Variants in TTC34 observed in about 807,000 individuals in gnomAD.
The protein encoded by TTC34 is tetratricopeptide repeat domain 34.
In TTC34, 44 loss-of-function variants were observed where a neutral mutation model predicts 40.7. The ratio of observed to expected loss-of-function variants is 1.08; its 90% CI spans 0.85 to 1.39. The LOEUF is 1.39. TTC34 is among the 40% of genes most tolerant of loss of function. The pLI is 0.00. For missense variants in TTC34, 884 were observed against 838.0 expected (o/e 1.05, Z -0.68); for synonymous variants, 422 against 398.6 (o/e 1.06, Z -0.70).
chr1:2,642,619 G>A (rs539364092), intron 8 of TTC34, among the ~76,000 whole-genome samples: 51 of 152,366 alleles, frequency 3.3e-4, no homozygotes, highest in African/African-American at 1.1e-3. Flanking sequence ...GCCTCGCTGG[G>A]CTCCTCCTCC....
chr1:2,645,369 C>A lies in TTC34; in HGVS notation c.2421G>T (p.Val807=), dbSNP rs747265730. 4.6e-6 allele frequency: 7 copies of A among 1,534,360 alleles called. No individual in the cohort carries two copies. The African/African-American group carries it at 5.5e-5, about 12-fold the overall frequency. The stretch of plus-strand genomic sequence containing the variant: ...AGTCGATTTTGATCAGCGCCTCCCC[C>A]ACAGCAAGGAGGCCCTGGGTGTCCT... The change falls in exon 7 of 9, where the codon GTG becomes GTT. Residue 807 remains valine (V), a synonymous_variant. Transcript: ENST00000401095. The surrounding 1 kb of genome is among the most constrained non-coding windows in gnomAD (Gnocchi z 4.7).
At chr1:2,759,914 C>T (rs1641638681) in intron 6 of TTC34, among the ~76,000 whole-genome samples, 10 of 143,774 alleles carry the variant, frequency 7.0e-5, no homozygotes, top group Admixed American at 1.4e-4. Context: ...TGGAACATCA[C>T]CCTGCACCCC....
rs750110289 is a variant in TTC34, at chr1:2,789,541, C to T, written c.1590G>A (p.Arg530=). The T allele has an allele frequency of 2.7e-6, 4 of 1,499,778 alleles. No homozygotes were observed. The South Asian group carries it at 3.7e-5, about 14-fold the overall frequency. The allele number at this position is 1,499,778 out of a possible 1,614,324, so 92.9% of individuals were successfully genotyped here. A position where few individuals can be genotyped will look rare whatever the true frequency, so the allele number is the denominator to read the frequency against. The change falls in exon 3 of 9, where the codon AGG becomes AGA. Residue 530 remains arginine (R), a synonymous_variant. Transcript: ENST00000401095. ...TGGGGCCGCCCGTCTCTGCGGCCTC[C>T]CTCCGGCCCTGCGCTCTGGACGGCC...
chr1:2,760,297 T>C (rs1641655196), intron 6 of TTC34, among the ~76,000 whole-genome samples: 1 of 58,904 alleles, frequency 1.7e-5, no homozygotes, highest in Non-Finnish European at 2.8e-5. Flanking sequence ...GGCGAGCATC[T>C]GACAGCCTGG....
At chr1:2,787,006 A>G (rs1030554402) in intron 4 of TTC34, among the ~76,000 whole-genome samples, 1 of 152,144 alleles carries the variant, frequency 6.6e-6, no homozygotes, top group Non-Finnish European at 1.5e-5. Context: ...TTCAAACAGG[A>G]ACCCGGGATA....
At chr1:2,786,419 G>T (rs1443220185) in intron 4 of TTC34, among the ~76,000 whole-genome samples, 3 of 152,232 alleles carry the variant, frequency 2.0e-5, no homozygotes, top group Admixed American at 2.0e-4. Flanking sequence ...GTCCCACAGC[G>T]GCCAGGGACT....
intron 6 of TTC34, among the ~76,000 whole-genome samples, chr1:2,781,383 A>G (rs576733883): frequency 6.6e-6 from 1 of 152,274 alleles, no homozygotes; most frequent in Non-Finnish European, 1.5e-5. Flanking sequence ...TTGCCTTCGT[A>G]TCCTGCTACT....
At chr1:2,767,409 T>C (rs1357899798) in intron 6 of TTC34, among the ~76,000 whole-genome samples, 2 of 122,424 alleles carry the variant, frequency 1.6e-5, no homozygotes, top group Non-Finnish European at 1.7e-5. Context: ...CACCCCCAGG[T>C]GAGCATCTGA....
intron 6 of TTC34, among the ~76,000 whole-genome samples, chr1:2,695,067 C>A (rs1640799175): frequency 1.5e-5 from 2 of 137,624 alleles, no homozygotes; most frequent in East Asian, 2.2e-4. Flanking sequence ...TGAAACAGCA[C>A]ACACACCCCC....
chr1:2,695,724 G>T (rs1640831642), intron 6 of TTC34, among the ~76,000 whole-genome samples: 1 of 149,756 alleles, frequency 6.7e-6, no homozygotes, highest in African/African-American at 2.5e-5. Context: ...ACCCCCAGGT[G>T]AGCAGCTGAA....
chr1:2,755,822 AAC>A (rs1641486704), intron 6 of TTC34, among the ~76,000 whole-genome samples: 2 of 104,396 alleles, frequency 1.9e-5, no homozygotes, highest in Non-Finnish European at 3.6e-5. Context: ...CAGCACCCAC[AAC>A]CACAGGTGAG....
intron 6 of TTC34, among the ~76,000 whole-genome samples, chr1:2,693,189 C>G (rs1222201429): frequency 5.3e-4 from 55 of 103,042 alleles, no homozygotes; most frequent in East Asian, 8.7e-4. Flanking sequence ...CCCACACCCC[C>G]AGGTGCGCAT....
chr1:2,693,550 C>G (rs1458214380), intron 6 of TTC34, among the ~76,000 whole-genome samples: 1 of 124,244 alleles, frequency 8.0e-6, no homozygotes, highest in Non-Finnish European at 1.7e-5. Context: ...CCCACACCCC[C>G]AGGTGAGCAT....
At chr1:2,749,724 A>C (rs1240641727) in intron 6 of TTC34, among the ~76,000 whole-genome samples, 52 of 22,952 alleles carry the variant, frequency 2.3e-3, no homozygotes, top group Admixed American at 3.1e-3. Flanking sequence ...AGCACGCACA[A>C]CCCCAGGTGA....
intron 6 of TTC34, among the ~76,000 whole-genome samples, chr1:2,750,519 C>T (rs1361759961): frequency 1.4e-5 from 2 of 144,824 alleles, no homozygotes; most frequent in African/African-American, 5.4e-5. Flanking sequence ...GGATCAGCAC[C>T]CACATCCCCA....
At chr1:2,682,138 C>T (rs1467695195) in intron 6 of TTC34, among the ~76,000 whole-genome samples, 1 of 119,950 alleles carries the variant, frequency 8.3e-6, no homozygotes, top group Non-Finnish European at 1.9e-5. Context: ...CCTGGAACAG[C>T]ACCCTGCACC....
intron 6 of TTC34, among the ~76,000 whole-genome samples, chr1:2,680,721 C>T (rs1335038071): frequency 3.6e-4 from 8 of 22,046 alleles, no homozygotes; most frequent in East Asian, 1.7e-3. Context: ...GAGCATCCGA[C>T]AGCCTGGAGC....
At position 2,645,118 on chromosome 1, in the gene TTC34, C is replaced by G. The variant is rs1557579967; in HGVS notation, c.2497+175G>C. Among the ~76,000 whole-genome samples the G allele has an allele frequency of 6.6e-6, 1 of 152,182 alleles. No individual in the cohort carries two copies. Among genetic ancestry groups the G allele is most frequent in the Non-Finnish European group, 1.5e-5 (1 of 68,030 alleles). Reference sequence around the variant, plus strand: ...AAGCAGAGGAGAGCCTTTTGAACGCCAGGCCTCACACAGGGAGCAGGGCCA... The same window carrying G: ...AAGCAGAGGAGAGCCTTTTGAACGCGAGGCCTCACACAGGGAGCAGGGCCA... On this transcript the variant is annotated intron_variant, in intron 7 of 8. Transcript: ENST00000401095. This position sits in a 1 kb window ranked among gnomAD's most constrained non-coding sequence, Gnocchi z 4.7.
At chr1:2,654,811 AC>A in intron 6 of TTC34, among the ~76,000 whole-genome samples, 1 of 129,926 alleles carries the variant, frequency 7.7e-6, no homozygotes, top group Non-Finnish European at 1.7e-5. Context: ...CAGCAACCAC[AC>A]CCCCAGGCAA....
Sources: allele counts gnomAD v4.1 joint callset (sites outside exome capture counted in the v4.1 genomes callset), GRCh38; gene constraint gnomAD v4.1.1; non-coding constraint Gnocchi (gnomAD v3.1); transcripts MANE v1.5; gene names NCBI Gene and HGNC (gene_info 2026-07-23, HGNC 2026-07-21).